The following FSTL1 variants were observed in gnomAD, a reference collection of about 807,000 sequenced individuals.
The protein encoded by FSTL1 is follistatin-related protein 1.
FSTL1 carries 24 observed loss-of-function variants against 45.9 expected under a neutral mutation model. That is an observed-to-expected ratio of 0.52 (90% confidence interval 0.38 to 0.74). The LOEUF (loss-of-function observed/expected upper bound fraction) is 0.74. FSTL1 is among the 30% of genes least tolerant of loss of function. FSTL1 has a pLI of 0.00. For missense variants in FSTL1, 340 were observed against 381.8 expected, an observed-to-expected ratio of 0.89 and a Z score of 0.91; for synonymous variants, 120 against 137.6, an observed-to-expected ratio of 0.87 and a Z score of 0.89.
chr3:120,413,794 C>T (rs56029770), intron 3 of FSTL1, among the ~76,000 whole-genome samples: 34 of 1,642 alleles, frequency 0.021, 3 homozygotes, highest in Non-Finnish European at 0.03. Flanking sequence ...TCCCTCTCCC[C>T]CTCCCCCTCC....
intron 2 of FSTL1, among the ~76,000 whole-genome samples, chr3:120,429,014 G>C (rs530621944): frequency 2.0e-5 from 3 of 152,366 alleles, no homozygotes; most frequent in Admixed American, 2.0e-4. Context: ...TGGCCAGGAA[G>C]AAAGTGGGGA....
intron 7 of FSTL1, among the ~76,000 whole-genome samples, chr3:120,403,928 A>AAAAC (rs1936882708): frequency 2.4e-5 from 3 of 127,040 alleles, no homozygotes; most frequent in Non-Finnish European, 5.0e-5. Flanking sequence ...CTCAAAAAAA[A>AAAAC]AAAAAAAAAA....
In FSTL1 at chr3:120,450,742, C is replaced by A; in HGVS notation, c.5G>T (p.Trp2Leu). MWKRWLALALAL... is the reference protein window; with the variant it reads MLKRWLALALAL... ...GAGCGCGAGCGCGAGCCAGCGTTTC[C>A]ACATCTGCGGAAGAGAGAAGAGAGC... is the stretch of plus-strand genomic sequence containing the variant. Residue 2 changes from tryptophan (W) to leucine (L), a missense_variant, in exon 2 of 11, where the codon TGG (tryptophan) becomes TTG (leucine). Transcript: ENST00000295633. 6.3e-7 allele frequency: 1 copy of A among 1,580,082 alleles called. No individual in the cohort carries two copies.
chr3:120,420,876 T>C (rs1014262267), intron 2 of FSTL1, among the ~76,000 whole-genome samples: 1 of 152,240 alleles, frequency 6.6e-6, no homozygotes, highest in Non-Finnish European at 1.5e-5. Context: ...TCCCAGCCTC[T>C]TTCCACTAAA....
Position 120,411,079 on chromosome 3 carries a change from G to A in FSTL1, c.299-95C>T, listed in dbSNP as rs564592268. The A allele has an allele frequency of 7.2e-5, 59 of 815,690 alleles. 1 individual carries two copies. The South Asian group carries it at 9.4e-4, about 13-fold the overall frequency. 50.5% of individuals were successfully genotyped at this position (815,690 alleles called of 1,614,324 possible). ...GATTACAGCTGCTCTACATGTAGGG[G>A]AATGTTTGTAACCTTTTCATCATTT... On this transcript the variant is annotated intron_variant, in intron 4 of 10. Coordinates refer to ENST00000295633, the MANE Select transcript of FSTL1 (RefSeq NM_007085.5).
In FSTL1 at chr3:120,394,736, G is replaced by A. The variant is rs1576202836; in HGVS notation, c.*2216C>T. ...ACTTTATGGAAGACTCCCCAGACTA[G>A]GCTATTTAGCAGCTTCCATGAATGG... On this transcript the variant is annotated 3_prime_UTR_variant, in exon 11 of 11. Coordinates refer to ENST00000295633, the MANE Select transcript of FSTL1 (RefSeq NM_007085.5). 6.6e-6 allele frequency: 1 copy of A among 152,214 alleles called. No homozygotes were observed. Among genetic ancestry groups the A allele is most frequent in the Non-Finnish European group, 1.5e-5 (1 of 68,054 alleles). 9.4% of individuals were successfully genotyped at this position (152,214 alleles called of 1,614,324 possible). A position where few individuals can be genotyped will look rare whatever the true frequency, so the allele number is the denominator to read the frequency against.
At chr3:120,444,920 A>G (rs905185122) in intron 2 of FSTL1, among the ~76,000 whole-genome samples, 3 of 149,846 alleles carry the variant, frequency 2.0e-5, no homozygotes, top group Non-Finnish European at 4.4e-5. Flanking sequence ...TGGCACATAC[A>G]GCTGTTCCAT....
chr3:120,410,224 A>G (rs539948061), intron 5 of FSTL1: 98 of 166,612 alleles, frequency 5.9e-4, no homozygotes, highest in East Asian at 1.2e-3. Context: ...GCTGTTGTCC[A>G]CTGGAAATAA....
chr3:120,430,671 T>C (rs1236279340), intron 2 of FSTL1, among the ~76,000 whole-genome samples: 7 of 152,170 alleles, frequency 4.6e-5, no homozygotes, highest in Admixed American at 2.0e-4. Flanking sequence ...CTTATCAATA[T>C]CTAACATGGA....
intron 1 of FSTL1, 43 bp from the exon 2 acceptor site, chr3:120,450,789 C>A: frequency 2.1e-6 from 3 of 1,463,240 alleles, no homozygotes; most frequent in East Asian, 2.7e-5. Flanking sequence ...CGCCGGGCCC[C>A]GCGCTGACCT....
intron 2 of FSTL1, among the ~76,000 whole-genome samples, chr3:120,426,062 T>C (rs1177446718): frequency 6.6e-6 from 1 of 152,158 alleles, no homozygotes; most frequent in African/African-American, 2.4e-5. Flanking sequence ...AACCTGTCAC[T>C]GAAGTATGTC....
intron 9 of FSTL1, among the ~76,000 whole-genome samples, chr3:120,401,003 C>A (rs1936815998): frequency 6.6e-6 from 1 of 152,212 alleles, no homozygotes; most frequent in African/African-American, 2.4e-5. Flanking sequence ...TTGTCTGATG[C>A]ATGTGATAGA....
intron 6 of FSTL1, among the ~76,000 whole-genome samples, chr3:120,407,125 T>C (rs1009718393): frequency 1.3e-5 from 2 of 152,212 alleles, no homozygotes; most frequent in African/African-American, 2.4e-5. Context: ...ATTTCAGCAT[T>C]TGAGGTAACA....
At chr3:120,439,053 G>A (rs1204430132) in intron 2 of FSTL1, among the ~76,000 whole-genome samples, 1 of 152,196 alleles carries the variant, frequency 6.6e-6, no homozygotes, top group African/African-American at 2.4e-5. Context: ...CATGCAGATT[G>A]TGCTAAAAAG....
Position 120,411,184 on chromosome 3 carries a change from T to C in FSTL1, c.299-200A>G, listed in dbSNP as rs1937043676. 5 of 516,790 alleles carry C rather than the reference T, an allele frequency of 9.7e-6. No homozygotes were observed. In the South Asian group the frequency reaches 1.1e-4, roughly 11 times the overall value. The allele number at this position is 516,790 out of a possible 1,614,324, so 32.0% of individuals were successfully genotyped here. A position where few individuals can be genotyped will look rare whatever the true frequency, so the allele number is the denominator to read the frequency against. On this transcript the variant is annotated intron_variant, in intron 4 of 10. Coordinates refer to ENST00000295633, the MANE Select transcript of FSTL1 (RefSeq NM_007085.5). Reference sequence around the variant, plus strand: ...TTCTGTCTCCTGCTTTGTCTGACAATTTAGGGCCACTGAGTTACCCTTCTG... The same window carrying C: ...TTCTGTCTCCTGCTTTGTCTGACAACTTAGGGCCACTGAGTTACCCTTCTG...
intron 2 of FSTL1, among the ~76,000 whole-genome samples, chr3:120,433,438 T>C (rs1190007560): frequency 2.6e-5 from 4 of 152,226 alleles, no homozygotes; most frequent in African/African-American, 9.6e-5. Flanking sequence ...AGGCACCTCT[T>C]CGTATTACAT....
chr3:120,442,652 C>T (rs1279153785), intron 2 of FSTL1, among the ~76,000 whole-genome samples: 6 of 151,616 alleles, frequency 4.0e-5, no homozygotes, highest in African/African-American at 1.2e-4. Context: ...TGGTGGCAGG[C>T]GCTTGTAATC....
At chr3:120,417,939 T>C (rs1294793280) in intron 2 of FSTL1, among the ~76,000 whole-genome samples, 1 of 152,252 alleles carries the variant, frequency 6.6e-6, no homozygotes, top group African/African-American at 2.4e-5. Flanking sequence ...TTCAGTGAGA[T>C]ACATGTGGAA....
In FSTL1 at chr3:120,394,613, C is replaced by A. The variant is rs574967150; in HGVS notation, c.*2339G>T. 6.6e-5 allele frequency: 10 copies of A among 152,302 alleles called. No homozygotes were observed. The East Asian group carries it at 1.9e-3, about 29-fold the overall frequency. The allele number at this position is 152,302 out of a possible 1,614,324, so 9.4% of individuals were successfully genotyped here. A position where few individuals can be genotyped will look rare whatever the true frequency, so the allele number is the denominator to read the frequency against. On this transcript the variant is annotated 3_prime_UTR_variant, in exon 11 of 11. Coordinates refer to ENST00000295633, the MANE Select transcript of FSTL1 (RefSeq NM_007085.5). Reference sequence around the variant, plus strand: ...TATAGTGTTTACAAAACTACACACACAGAGAAAGCCCAAGGAAGCCTGCAG... The same window carrying A: ...TATAGTGTTTACAAAACTACACACAAAGAGAAAGCCCAAGGAAGCCTGCAG...
Sources: gnomAD v4.1 joint callset for allele counts (sites outside exome capture counted in the v4.1 genomes callset) on GRCh38, gnomAD v4.1.1 for gene constraint, MANE v1.5 for transcripts, NCBI Gene and HGNC (gene_info 2026-07-23, HGNC 2026-07-21) for gene names.